GRM7: variants seen among roughly 807,000 people sequenced by gnomAD.
GRM7 encodes metabotropic glutamate receptor 7.
A neutral mutation model predicts 84.5 loss-of-function variants in GRM7; 35 were observed. That is an observed-to-expected ratio of 0.41 (90% CI 0.32 to 0.55). The LOEUF is 0.55. GRM7 is among the 20% of genes least tolerant of loss of function. The pLI, the probability that GRM7 is intolerant of heterozygous loss-of-function variation, is 0.19. For synonymous variants in GRM7, 487 were observed against 455.1 expected (o/e 1.07, Z -0.89); for missense variants, 1,003 against 1,194.6 (o/e 0.84, Z 2.36).
At chr3:7,726,080 C>A (rs1005342245) in intron 9 of GRM7, among the ~76,000 whole-genome samples, 11 of 152,092 alleles carry the variant, frequency 7.2e-5, no homozygotes, top group Non-Finnish European at 1.2e-4. Context: ...AAGAAAGGGT[C>A]ATTTTGTAAT....
intron 1 of GRM7, among the ~76,000 whole-genome samples, chr3:7,046,809 T>A (rs960038274): frequency 2.0e-5 from 3 of 152,210 alleles, no homozygotes; most frequent in African/African-American, 7.2e-5. Flanking sequence ...CATGAAAGCC[T>A]GCATCAGTCA....
chr3:7,455,254 G>A (rs554537013), intron 6 of GRM7, among the ~76,000 whole-genome samples: 6 of 152,244 alleles, frequency 3.9e-5, no homozygotes, highest in East Asian at 1.9e-4. Flanking sequence ...ATACAAAGTC[G>A]CCCTTTTGTA....
At chr3:7,286,057 G>A (rs1699420935) in intron 2 of GRM7, among the ~76,000 whole-genome samples, 1 of 152,132 alleles carries the variant, frequency 6.6e-6, no homozygotes, top group Admixed American at 6.5e-5. Flanking sequence ...ACCCAGCTAT[G>A]ATCCTAGTCT....
chr3:7,718,291 C>T (rs1319301416), intron 9 of GRM7, among the ~76,000 whole-genome samples: 1 of 152,178 alleles, frequency 6.6e-6, no homozygotes, highest in Non-Finnish European at 1.5e-5. Context: ...ATAATCCCTT[C>T]CCTTCCCATT....
intron 4 of GRM7, among the ~76,000 whole-genome samples, chr3:7,412,554 G>A (rs910123633): frequency 6.6e-6 from 1 of 152,162 alleles, no homozygotes; most frequent in African/African-American, 2.4e-5. Context: ...TTCAAGGGGT[G>A]TTTGAGGGCA....
At chr3:7,714,855 G>A (rs1701716828) in intron 9 of GRM7, among the ~76,000 whole-genome samples, 1 of 152,174 alleles carries the variant, frequency 6.6e-6, no homozygotes, top group Non-Finnish European at 1.5e-5. Flanking sequence ...CTGGAACATA[G>A]CTTTGTTCCC....
chr3:7,450,689 C>T (rs899196650), intron 5 of GRM7, among the ~76,000 whole-genome samples: 2 of 151,156 alleles, frequency 1.3e-5, no homozygotes, highest in African/African-American at 4.9e-5. Context: ...TGGGAAATAG[C>T]TGCATAAATT....
chr3:6,872,498 T>C (rs575386736), intron 1 of GRM7, among the ~76,000 whole-genome samples: 25 of 152,158 alleles, frequency 1.6e-4, no homozygotes, highest in Non-Finnish European at 2.4e-4. Flanking sequence ...AGTGCTGGGA[T>C]ACATGTACAG....
chr3:7,039,578 T>G (rs913543705), intron 1 of GRM7, among the ~76,000 whole-genome samples: 2 of 152,160 alleles, frequency 1.3e-5, no homozygotes, highest in Admixed American at 6.5e-5. Flanking sequence ...GCATGTTACA[T>G]GTATAATATT....
chr3:7,131,712 C>T (rs557686894), intron 1 of GRM7, among the ~76,000 whole-genome samples: 89 of 152,140 alleles, frequency 5.8e-4, no homozygotes, highest in African/African-American at 2.0e-3. Context: ...CTCTTGACCT[C>T]GTGATCCACC....
At chr3:7,315,464 T>C (rs150183048) in intron 4 of GRM7, among the ~76,000 whole-genome samples, 101 of 152,330 alleles carry the variant, frequency 6.6e-4, no homozygotes, top group African/African-American at 2.3e-3. Context: ...GGGTTTTTCA[T>C]TCACCTCACA....
intron 4 of GRM7, among the ~76,000 whole-genome samples, chr3:7,390,958 C>A (rs1276614611): frequency 1.3e-5 from 2 of 151,928 alleles, no homozygotes; most frequent in Non-Finnish European, 2.9e-5. Context: ...GTGTTGGTTT[C>A]TTTTCATCTG....
At chr3:7,715,772 T>G (rs1701752191) in intron 9 of GRM7, among the ~76,000 whole-genome samples, 1 of 152,196 alleles carries the variant, frequency 6.6e-6, no homozygotes, top group African/African-American at 2.4e-5. Context: ...CACTCATGTA[T>G]CTGGCATACA....
chr3:7,553,426 A>G (rs533617089), intron 7 of GRM7, among the ~76,000 whole-genome samples: 1 of 152,332 alleles, frequency 6.6e-6, no homozygotes, highest in East Asian at 1.9e-4. Flanking sequence ...CACAATTTCA[A>G]GTGTCTGTAT....
chr3:7,731,804 C>T (rs1702341778), intron 9 of GRM7, among the ~76,000 whole-genome samples: 1 of 152,126 alleles, frequency 6.6e-6, no homozygotes, highest in African/African-American at 2.4e-5. Context: ...TCATGGCTCC[C>T]CGTGGATCGC....
chr3:7,540,342 C>G lies in GRM7; in HGVS notation c.1516-38080C>G, dbSNP rs559205363. ...TGGAAATTACCCAGTTGTTCATCAA[C>G]TGATGAGTGAAGAAGTAAAATGTAG... On this transcript the variant is annotated intron_variant, in intron 7 of 9. Coordinates refer to ENST00000357716, the MANE Select transcript of GRM7 (RefSeq NM_000844.4). Among the ~76,000 whole-genome samples the G allele has an allele frequency of 6.4e-4, 98 of 152,182 alleles. 1 individual carries two copies. In the South Asian group the frequency reaches 0.02, roughly 31 times the overall value.
chr3:7,179,946 G>T (rs1213343847), intron 2 of GRM7, among the ~76,000 whole-genome samples: 1 of 152,108 alleles, frequency 6.6e-6, no homozygotes, highest in African/African-American at 2.4e-5. Flanking sequence ...ACTTCCATTA[G>T]CGTATCAGTG....
At chr3:6,887,541 C>G (rs1057327478) in intron 1 of GRM7, among the ~76,000 whole-genome samples, 4 of 152,128 alleles carry the variant, frequency 2.6e-5, no homozygotes, top group Non-Finnish European at 5.9e-5. Context: ...TCATCCATGT[C>G]CCTACAAAGG....
At chr3:7,213,383 C>T (rs566622290) in intron 2 of GRM7, among the ~76,000 whole-genome samples, 1 of 152,088 alleles carries the variant, frequency 6.6e-6, no homozygotes, top group Non-Finnish European at 1.5e-5. Context: ...GCAAATCATA[C>T]AACTTAAGAG....
Sources: allele counts gnomAD v4.1 joint callset (sites outside exome capture counted in the v4.1 genomes callset), GRCh38; gene constraint gnomAD v4.1.1; transcripts MANE v1.5; gene names NCBI Gene and HGNC (gene_info 2026-07-23, HGNC 2026-07-21).